SPSB1: variants seen among roughly 807,000 people sequenced by gnomAD.
The protein encoded by SPSB1 is splA/ryanodine receptor domain and SOCS box containing 1.
In SPSB1, 8 loss-of-function variants were observed where a neutral mutation model predicts 21.2. The ratio of observed to expected loss-of-function variants is 0.38; its 90% CI spans 0.22 to 0.68. The LOEUF (loss-of-function observed/expected upper bound fraction) is 0.68. SPSB1 is among the 30% of genes least tolerant of loss of function. The probability of loss-of-function intolerance (pLI) is 0.53; values close to 1 mark genes in which losing one functional copy is unlikely to be tolerated. For synonymous variants in SPSB1, 169 were observed against 161.7 expected (o/e 1.05, Z -0.34); for missense variants, 242 against 377.8 (o/e 0.64, Z 2.98).
At chr1:9,359,562 C>T (rs1316678853) in intron 2 of SPSB1, among the ~76,000 whole-genome samples, 4 of 151,978 alleles carry the variant, frequency 2.6e-5, no homozygotes, top group Admixed American at 2.6e-4. Flanking sequence ...ATTAGCCGGG[C>T]GTGGTGGCAT....
chr1:9,347,194 T>A (rs945070637), intron 1 of SPSB1, among the ~76,000 whole-genome samples: 5 of 152,192 alleles, frequency 3.3e-5, no homozygotes, highest in Non-Finnish European at 7.3e-5. Context: ...TTCTACCAGT[T>A]ATGGATCCTT....
At chr1:9,333,701 C>T (rs917762675) in intron 1 of SPSB1, among the ~76,000 whole-genome samples, 1 of 152,150 alleles carries the variant, frequency 6.6e-6, no homozygotes, top group African/African-American at 2.4e-5. Flanking sequence ...GTAGGCTGAC[C>T]CCAGAGCGGC....
At chr1:9,349,743 G>T (rs1278424670) in intron 1 of SPSB1, among the ~76,000 whole-genome samples, 2 of 152,252 alleles carry the variant, frequency 1.3e-5, no homozygotes, top group Non-Finnish European at 2.9e-5. Context: ...GTGTGAGGAA[G>T]GTCCTTTCGG....
At chr1:9,333,899 G>A (rs531795060) in intron 1 of SPSB1, among the ~76,000 whole-genome samples, 191 of 152,318 alleles carry the variant, frequency 1.3e-3, no homozygotes, top group Non-Finnish European at 2.3e-3. Flanking sequence ...TGGCTCAGAG[G>A]CAGGTGGGGC....
intron 2 of SPSB1, among the ~76,000 whole-genome samples, chr1:9,357,690 C>T (rs1640396023): frequency 6.6e-6 from 1 of 152,188 alleles, no homozygotes; most frequent in African/African-American, 2.4e-5. Context: ...CCACCTGTCC[C>T]TTTGGGAAGG....
At chr1:9,359,851 G>GGT (rs1553128817) in intron 2 of SPSB1, among the ~76,000 whole-genome samples, 6 of 151,290 alleles carry the variant, frequency 4.0e-5, no homozygotes, top group Admixed American at 1.3e-4. Flanking sequence ...GGAAGCCGGG[G>GGT]GGGTGGGTGG....
rs1639389669 is a variant in SPSB1 at position 9,305,064 on chromosome 1, T to C, written c.-150+11993T>C. On this transcript the variant is annotated intron_variant, in intron 1 of 2. Transcript: ENST00000328089. This position sits in a 1 kb window ranked among gnomAD's most constrained non-coding sequence, Gnocchi z 4.8. ...CAGACCCATCTGGCATTGCCTTCCCTACAGGGGCCTCTCCCACTTCTCCCT... is the reference window on the plus strand; with the variant it reads ...CAGACCCATCTGGCATTGCCTTCCCCACAGGGGCCTCTCCCACTTCTCCCT... Among the ~76,000 whole-genome samples, 1 of 152,090 alleles carries C rather than the reference T, an allele frequency of 6.6e-6. No individual in the cohort carries two copies. The highest frequency in any genetic ancestry group is 2.1e-4 in the South Asian group (1 of 4,824).
rs144546742 is a variant in SPSB1 at position 9,305,518 on chromosome 1, A to AAC, written c.-150+12447_-150+12448insAC. ...TTGGACACCTGTCGGATGAAGGAGT[A>AAC]GGTAAGACCGGTGGCGTAGTGGATC... On this transcript the variant is annotated intron_variant, in intron 1 of 2. Coordinates refer to ENST00000328089, the MANE Select transcript of SPSB1 (RefSeq NM_025106.4). This position sits in a 1 kb window ranked among gnomAD's most constrained non-coding sequence, Gnocchi z 4.8. Among the ~76,000 whole-genome samples, 10,356 of 152,250 alleles carry AAC rather than the reference A, an allele frequency of 0.068. 420 individuals carry two copies. Among genetic ancestry groups the AAC allele is most frequent in the African/African-American group, 0.094 (3,918 of 41,530 alleles).
At chr1:9,300,358 A>C (rs1191913995) in intron 1 of SPSB1, among the ~76,000 whole-genome samples, 1 of 152,218 alleles carries the variant, frequency 6.6e-6, no homozygotes, top group African/African-American at 2.4e-5. Context: ...CCGTAGCAGA[A>C]GACTGCAACA....
chr1:9,350,703 T>A (rs1430166806), intron 1 of SPSB1, among the ~76,000 whole-genome samples: 4 of 152,192 alleles, frequency 2.6e-5, no homozygotes, highest in Non-Finnish European at 5.9e-5. Flanking sequence ...AGCCACGCCC[T>A]TTGCGTCTGC....
At chr1:9,366,083 C>A (rs1024683037) in intron 2 of SPSB1, among the ~76,000 whole-genome samples, 1 of 152,228 alleles carries the variant, frequency 6.6e-6, no homozygotes, top group African/African-American at 2.4e-5. Context: ...ACTCAGCCTC[C>A]TTTGTAGGAA....
Position 9,321,353 on chromosome 1 carries a change from G to A in SPSB1, c.-150+28282G>A, listed in dbSNP as rs572871288. On this transcript the variant is annotated intron_variant, in intron 1 of 2. Coordinates refer to ENST00000328089, the MANE Select transcript of SPSB1 (RefSeq NM_025106.4). The surrounding 1 kb of genome is among the most constrained non-coding windows in gnomAD (Gnocchi z 4.8). ...TGTGTGGTGGAGCTCTAGACAGCCC[G>A]ATGGCAGGGGGTGGGCTCCGAGCTC... Among the ~76,000 whole-genome samples, 3 of 152,236 alleles carry A rather than the reference G, an allele frequency of 2.0e-5. No individual in the cohort carries two copies. Among genetic ancestry groups the A allele is most frequent in the South Asian group, 2.1e-4 (1 of 4,826 alleles).
intron 1 of SPSB1, among the ~76,000 whole-genome samples, chr1:9,327,091 C>T (rs930785676): frequency 2.0e-5 from 3 of 152,132 alleles, no homozygotes; most frequent in Non-Finnish European, 2.9e-5. Context: ...CATCTGCCGT[C>T]GTTTCGTGGG....
At chr1:9,309,152 G>A (rs542494428) in intron 1 of SPSB1, among the ~76,000 whole-genome samples, 19 of 152,108 alleles carry the variant, frequency 1.2e-4, no homozygotes, top group African/African-American at 3.4e-4. Flanking sequence ...CCCAGGGGTC[G>A]TCGGTGGGCA....
In SPSB1 at chr1:9,317,437, G is replaced by A. The variant is rs1557450082; in HGVS notation, c.-150+24366G>A. ...TAGGTATCTGGGAGAAGGGGTGTGG[G>A]GGCGTGTGGTAGAGATTTTCAGACC... On this transcript the variant is annotated intron_variant, in intron 1 of 2. Coordinates refer to ENST00000328089, the MANE Select transcript of SPSB1 (RefSeq NM_025106.4). This position sits in a 1 kb window ranked among gnomAD's most constrained non-coding sequence, Gnocchi z 4.3. 6.6e-6 allele frequency among the ~76,000 whole-genome samples: 1 copy of A among 152,132 alleles called. No individual in the cohort carries two copies.
chr1:9,330,500 T>C (rs1199527827), intron 1 of SPSB1, among the ~76,000 whole-genome samples: 1 of 130,448 alleles, frequency 7.7e-6, no homozygotes, highest in Non-Finnish European at 1.7e-5. Flanking sequence ...ATAATAAAGA[T>C]TTGCCAGTCT....
intron 1 of SPSB1, among the ~76,000 whole-genome samples, chr1:9,347,058 C>T (rs1640176024): frequency 6.6e-6 from 1 of 152,218 alleles, no homozygotes; most frequent in African/African-American, 2.4e-5. Context: ...TGGCTCACAC[C>T]TGTTATCCGA....
Position 9,368,757 on chromosome 1 carries a change from A to G in SPSB1, c.*1182A>G, listed in dbSNP as rs978968204. The G allele has an allele frequency of 6.6e-6, 1 of 151,876 alleles. No homozygotes were observed. Among genetic ancestry groups the G allele is most frequent in the African/African-American group, 2.4e-5 (1 of 41,292 alleles). The allele number at this position is 151,876 out of a possible 1,614,324, so 9.4% of individuals were successfully genotyped here. The stretch of plus-strand genomic sequence containing the variant: ...GACCAGGAGCAGAGTCGAGCCTCAC[A>G]GAAGCCAGCGCGGGTCTCTGCTCAG... On this transcript the variant is annotated 3_prime_UTR_variant, in exon 3 of 3. Coordinates refer to ENST00000328089, the MANE Select transcript of SPSB1 (RefSeq NM_025106.4).
rs1379286220 is a variant in SPSB1, at chr1:9,317,525, C to T, written c.-150+24454C>T. 6.6e-6 allele frequency among the ~76,000 whole-genome samples: 1 copy of T among 152,122 alleles called. No homozygotes were observed. The highest frequency in any genetic ancestry group is 1.5e-5 in the Non-Finnish European group (1 of 68,024). ...TTGAGACAGAGTCTTGCTTTGTCAC[C>T]CAGGCTGGGGACAAAGCTCACTGCG... On this transcript the variant is annotated intron_variant, in intron 1 of 2. Coordinates refer to ENST00000328089, the MANE Select transcript of SPSB1 (RefSeq NM_025106.4). This position sits in a 1 kb window ranked among gnomAD's most constrained non-coding sequence, Gnocchi z 4.3.
Sources: allele counts gnomAD v4.1 joint callset (sites outside exome capture counted in the v4.1 genomes callset), GRCh38; gene constraint gnomAD v4.1.1; non-coding constraint Gnocchi (gnomAD v3.1); transcripts MANE v1.5; gene names NCBI Gene and HGNC (gene_info 2026-07-23, HGNC 2026-07-21).